The following AP3M1 variants were observed in gnomAD, a reference collection of about 807,000 sequenced individuals.
The protein encoded by AP3M1 is AP-3 complex subunit mu-1.
AP3M1 carries 29 observed loss-of-function variants against 42.6 expected under a neutral mutation model. That is an observed-to-expected ratio of 0.68 (90% CI 0.51 to 0.93). The LOEUF is 0.93. Ranked by LOEUF, AP3M1 falls within the 40% of genes least tolerant of loss-of-function variation. The pLI is 0.00. For missense variants in AP3M1, 416 were observed against 510.2 expected (o/e 0.82, Z 1.78); for synonymous variants, 178 against 175.3 (o/e 1.02, Z -0.12).
chr10:74,128,126 G>GA (rs1564544493), intron 6 of AP3M1, among the ~76,000 whole-genome samples: 1 of 135,686 alleles, frequency 7.4e-6, no homozygotes, highest in Non-Finnish European at 1.6e-5. Flanking sequence ...AAAAAAAAAG[G>GA]AAAAGAAAAG....
At position 74,144,775 on chromosome 10, in the gene AP3M1, G is replaced by A. The variant is rs184073005; in HGVS notation, c.-4+5980C>T. Among the ~76,000 whole-genome samples, 33 of 151,630 alleles carry A rather than the reference G, an allele frequency of 2.2e-4. No homozygotes were observed. The East Asian group carries it at 5.6e-3, about 26-fold the overall frequency. ...CCTGCTGGGTTCAAGCGATTCTCCT[G>A]CCTCAGCCTCCCGAGTAGCTAGGAT... On this transcript the variant is annotated intron_variant, in intron 1 of 8. Coordinates refer to ENST00000355264, the MANE Select transcript of AP3M1 (RefSeq NM_012095.6).
intron 1 of AP3M1, among the ~76,000 whole-genome samples, chr10:74,147,729 G>A (rs896050818): frequency 6.6e-6 from 1 of 152,024 alleles, no homozygotes; most frequent in Non-Finnish European, 1.5e-5. Context: ...GGCTGGGTGC[G>A]GTGGCTCACA....
chr10:74,127,481 T>TA (rs1054342149), intron 6 of AP3M1, among the ~76,000 whole-genome samples: 1,497 of 141,888 alleles, frequency 0.011, 20 homozygotes, highest in African/African-American at 0.027. Flanking sequence ...CCCTCTCTAA[T>TA]AAAAAAAAAA....
chr10:74,128,101 A>AAC (rs1840670464), intron 6 of AP3M1, among the ~76,000 whole-genome samples: 1 of 116,038 alleles, frequency 8.6e-6, no homozygotes. Context: ...ACTCCGGCTT[A>AAC]AAAAAAAAAA....
At chr10:74,147,153 T>C (rs1455921200) in intron 1 of AP3M1, among the ~76,000 whole-genome samples, 1 of 151,928 alleles carries the variant, frequency 6.6e-6, no homozygotes, top group Non-Finnish European at 1.5e-5. Context: ...GGTGTGGTGG[T>C]GGGTGCCTGT....
intron 4 of AP3M1, 107 bp downstream of exon 4, chr10:74,133,920 T>C: frequency 7.1e-6 from 10 of 1,406,652 alleles, no homozygotes; most frequent in Non-Finnish European, 9.7e-6. Context: ...CCCAAAGGGC[T>C]GGGATTACAG....
chr10:74,138,527 C>A, intron 1 of AP3M1, 145 bp from the exon 2 acceptor site: 11 of 470,300 alleles, frequency 2.3e-5, no homozygotes, highest in Non-Finnish European at 2.7e-5. Flanking sequence ...ACATGATATA[C>A]AATAAGAACT....
At position 74,133,374 on chromosome 10, in the gene AP3M1, A is replaced by G. The variant is rs1184443208; in HGVS notation, c.583+653T>C. On this transcript the variant is annotated intron_variant, in intron 4 of 8. Coordinates refer to ENST00000355264, the MANE Select transcript of AP3M1 (RefSeq NM_012095.6). ...GCACCATTGCACTCCACCCTGGGCA[A>G]TAAGAGTGAAACTGCGTCTCAAAAA... Among the ~76,000 whole-genome samples, 55 of 151,076 alleles carry G rather than the reference A, an allele frequency of 3.6e-4. 1 individual carries two copies. The highest frequency in any genetic ancestry group is 3.6e-3 in the Admixed American group (54 of 15,170).
chr10:74,133,713 G>A (rs1224084662), intron 4 of AP3M1, among the ~76,000 whole-genome samples: 4 of 147,764 alleles, frequency 2.7e-5, no homozygotes, highest in African/African-American at 1.0e-4. Flanking sequence ...GGAGTGCAAT[G>A]GCATGATCTT....
At chr10:74,138,566 T>C (rs1364217665) in intron 1 of AP3M1, among the ~76,000 whole-genome samples, 184 bp from the exon 2 acceptor site, 4 of 146,042 alleles carry the variant, frequency 2.7e-5, no homozygotes, top group African/African-American at 1.0e-4. Flanking sequence ...GGTGCAGAAA[T>C]TGCATTTGAC....
intron 1 of AP3M1, among the ~76,000 whole-genome samples, chr10:74,143,828 T>C (rs1841235804): frequency 6.6e-6 from 1 of 152,224 alleles, no homozygotes. Context: ...AATACAGCAC[T>C]GTCCAACAGG....
chr10:74,124,642 C>T (rs1315996202), intron 7 of AP3M1, 118 bp from the exon 8 acceptor site: 2 of 827,904 alleles, frequency 2.4e-6, no homozygotes, highest in South Asian at 2.1e-5. Context: ...CTCTTGAAAA[C>T]AAGAGATCTG....
At chr10:74,142,949 A>C (rs1306858857) in intron 1 of AP3M1, among the ~76,000 whole-genome samples, 2 of 152,366 alleles carry the variant, frequency 1.3e-5, no homozygotes, top group Non-Finnish European at 2.9e-5. Context: ...GTATGACTTC[A>C]AGTGGAGCAC....
intron 5 of AP3M1, 88 bp downstream of exon 5, chr10:74,129,819 C>A: frequency 4.3e-6 from 4 of 933,046 alleles, no homozygotes; most frequent in Non-Finnish European, 5.2e-6. Flanking sequence ...ATCTAAGATG[C>A]AAACTTATCT....
rs559979238 is a variant in AP3M1 at position 74,121,380 on chromosome 10, ATTTAC to A, written c.*2425_*2429del. 1.1e-3 allele frequency: 172 copies of A among 152,338 alleles called. No homozygotes were observed. The highest frequency in any genetic ancestry group is 3.9e-3 in the African/African-American group (164 of 41,570). 9.4% of individuals were successfully genotyped at this position (152,338 alleles called of 1,614,324 possible). ...TGACTCCCACACGCAGGAAAGAATCATTTACTTCATTTGCTCTTGATATACTCCCT... is the reference window on the plus strand; with the variant it reads ...TGACTCCCACACGCAGGAAAGAATCATTCATTTGCTCTTGATATACTCCCT... On this transcript the variant is annotated 3_prime_UTR_variant, in exon 9 of 9. Transcript: ENST00000355264.
At chr10:74,124,603 A>G in intron 7 of AP3M1, 79 bp from the exon 8 acceptor site, 1 of 1,272,226 alleles carries the variant, frequency 7.9e-7, no homozygotes, top group Non-Finnish European at 1.1e-6. Context: ...CAAAGATATC[A>G]TAAACTTCTG....
chr10:74,129,086 T>C, intron 6 of AP3M1, 22 bp downstream of exon 6: 1 of 1,613,122 alleles, frequency 6.2e-7, no homozygotes, highest in African/African-American at 1.3e-5. Flanking sequence ...GATGGCAGAT[T>C]CTGGCTGATG....
intron 1 of AP3M1, chr10:74,138,933 T>TAAAAAAA (rs749165720): frequency 5.8e-4 from 30 of 51,676 alleles, no homozygotes; most frequent in African/African-American, 2.1e-3. Flanking sequence ...AGACACTATC[T>TAAAAAAA]AAAAAAAAAA....
At position 74,129,355 on chromosome 10, in the gene AP3M1, GA is replaced by G. The variant is rs1310994586; in HGVS notation, c.670-115del. 15 of 981,222 alleles carry G rather than the reference GA, an allele frequency of 1.5e-5. No individual in the cohort carries two copies. The Admixed American group carries it at 4.0e-4, about 26-fold the overall frequency. The allele number at this position is 981,222 out of a possible 1,614,324, so 60.8% of individuals were successfully genotyped here. A position where few individuals can be genotyped will look rare whatever the true frequency, so the allele number is the denominator to read the frequency against. ...ATAAAGCAGTCATGGAAGAGTTTAT[GA>G]CCACATCTACACAACCTTATAGTTT... On this transcript the variant is annotated intron_variant, in intron 5 of 8. Coordinates refer to ENST00000355264, the MANE Select transcript of AP3M1 (RefSeq NM_012095.6).
Sources: gnomAD v4.1 joint callset for allele counts (sites outside exome capture counted in the v4.1 genomes callset) on GRCh38, gnomAD v4.1.1 for gene constraint, MANE v1.5 for transcripts, NCBI Gene and HGNC (gene_info 2026-07-23, HGNC 2026-07-21) for gene names.